Variants in WDR48 observed in about 807,000 individuals in gnomAD.
WDR48 encodes the protein WD repeat-containing protein 48.
WDR48 carries 22 observed loss-of-function variants against 94.0 expected under a neutral mutation model. That is an observed-to-expected ratio of 0.23 (90% CI 0.17 to 0.33). The LOEUF (loss-of-function observed/expected upper bound fraction) is 0.33. Ranked by LOEUF, WDR48 falls within the 10% of genes least tolerant of loss-of-function variation. The pLI, the probability that WDR48 is intolerant of heterozygous loss-of-function variation, is 1.00. For synonymous variants in WDR48, 278 were observed against 280.5 expected (o/e 0.99, Z 0.09); for missense variants, 541 against 813.8 (o/e 0.66, Z 4.08).
chr3:39,066,863 A>G lies in WDR48; in HGVS notation c.469A>G (p.Asn157Asp). The G allele has an allele frequency of 6.2e-7, 1 of 1,613,502 alleles. No homozygotes were observed. Among genetic ancestry groups the G allele is most frequent in the Non-Finnish European group, 8.5e-7 (1 of 1,179,790 alleles). ...TCTAACAGCATTGACTGCCTCAAATAACACTGTCACAAGTAAGGTGTTTAA... is the reference window on the plus strand; with the variant it reads ...TCTAACAGCATTGACTGCCTCAAATGACACTGTCACAAGTAAGGTGTTTAA... ...NTLTALTASN[N>D]TVTTSSLSGN... The change falls in exon 5 of 19, where the codon AAC (asparagine) becomes GAC (aspartate). Residue 157 changes from asparagine to aspartate, a missense_variant. Asn to Asp is a conservative substitution (Grantham distance 23). Around this residue, in one of 5 missense-constraint regions of WDR48, gnomAD observed 104 missense variants for 189.7 expected, o/e 0.55. Transcript: ENST00000302313.
At position 39,094,420 on chromosome 3, in the gene WDR48, G is replaced by A; in HGVS notation, c.1939-228G>A. 4 of 1,524,226 alleles carry A rather than the reference G, an allele frequency of 2.6e-6. No individual in the cohort carries two copies. The South Asian group carries it at 3.7e-5, about 14-fold the overall frequency. The allele number at this position is 1,524,226 out of a possible 1,614,324, so 94.4% of individuals were successfully genotyped here. ...ATGCACTCAAAACGTATCCTCAGAG[G>A]AATGGCTGAAAGATGGCCTGGTGTT... On this transcript the variant is annotated intron_variant, in intron 18 of 18. Coordinates refer to ENST00000302313, the MANE Select transcript of WDR48 (RefSeq NM_020839.4).
At chr3:39,084,817 T>C in intron 13 of WDR48, 76 bp downstream of exon 13, 1 of 1,282,178 alleles carries the variant, frequency 7.8e-7, no homozygotes, top group South Asian at 1.3e-5. Flanking sequence ...TGCTAAGTAC[T>C]TATCTTTGTA....
chr3:39,074,293 A>G (rs569065110), intron 7 of WDR48, among the ~76,000 whole-genome samples: 5 of 152,254 alleles, frequency 3.3e-5, no homozygotes, highest in African/African-American at 7.2e-5. Flanking sequence ...AGTATCTCTA[A>G]GCATAATGAA....
At chr3:39,085,676 A>G in intron 14 of WDR48, 66 bp downstream of exon 14, 1 of 1,349,898 alleles carries the variant, frequency 7.4e-7, no homozygotes, top group Non-Finnish European at 1.0e-6. Flanking sequence ...GTACTTACTA[A>G]AAGGTACTTA....
chr3:39,054,338 A>G (rs1247427635), intron 1 of WDR48, among the ~76,000 whole-genome samples: 3 of 152,292 alleles, frequency 2.0e-5, no homozygotes, highest in Non-Finnish European at 4.4e-5. Flanking sequence ...TGTCCTATGC[A>G]TCACAGGTTC....
At chr3:39,064,315 C>T (rs2033462882) in intron 2 of WDR48, among the ~76,000 whole-genome samples, 1 of 150,968 alleles carries the variant, frequency 6.6e-6, no homozygotes, top group East Asian at 1.9e-4. Context: ...GCTCTGTCAC[C>T]CAGGCTGGAG....
In WDR48 at chr3:39,094,954, A is replaced by C; in HGVS notation, c.*211A>C. On this transcript the variant is annotated 3_prime_UTR_variant, in exon 19 of 19. Transcript: ENST00000302313. ...GATTAAGCTGTCCCCAGGGAAGCAG[A>C]GTGCAAGAGCAGAAGAGCCCCAAGC... The C allele has an allele frequency of 1.6e-6, 1 of 642,398 alleles. No individual in the cohort carries two copies. The highest frequency in any genetic ancestry group is 3.2e-5 in the Admixed American group (1 of 31,588). The allele number at this position is 642,398 out of a possible 1,614,324, so 39.8% of individuals were successfully genotyped here.
rs1209803336 is a variant in WDR48, at chr3:39,096,072, A to C, written c.*1329A>C. On this transcript the variant is annotated 3_prime_UTR_variant, in exon 19 of 19. Coordinates refer to ENST00000302313, the MANE Select transcript of WDR48 (RefSeq NM_020839.4). ...GCAGGGAACGTTTTTTCTTTTCTACATCTTCACAGGTTCGGCTGGGGGCAG... is the reference window on the plus strand; with the variant it reads ...GCAGGGAACGTTTTTTCTTTTCTACCTCTTCACAGGTTCGGCTGGGGGCAG... 6.6e-6 allele frequency: 1 copy of C among 152,586 alleles called. No homozygotes were observed. The highest frequency in any genetic ancestry group is 1.5e-5 in the Non-Finnish European group (1 of 68,030). 9.5% of individuals were successfully genotyped at this position (152,586 alleles called of 1,614,324 possible).
At chr3:39,070,046 G>C (rs1186536309) in intron 7 of WDR48, among the ~76,000 whole-genome samples, 1 of 152,184 alleles carries the variant, frequency 6.6e-6, no homozygotes, top group Non-Finnish European at 1.5e-5. Context: ...AGGAAGCTTT[G>C]ATATCAAATG....
At chr3:39,091,373 T>A in intron 16 of WDR48, 1 of 262,086 alleles carries the variant, frequency 3.8e-6, no homozygotes, top group Non-Finnish European at 7.3e-6. Flanking sequence ...TTTGTTTCCC[T>A]TTAATACCTT....
intron 1 of WDR48, among the ~76,000 whole-genome samples, chr3:39,062,107 T>C (rs927085756): frequency 6.6e-6 from 1 of 152,242 alleles, no homozygotes; most frequent in Non-Finnish European, 1.5e-5. Flanking sequence ...TTTAGTTTAA[T>C]TAGATCTCAT....
rs374506512 is a variant in WDR48, at chr3:39,085,659, TTAAAAGGTACTTAC to T, written c.1474+65_1474+78del. ...TGCATAAAAAGTTAGAGGTACTTAC[TTAAAAGGTACTTAC>T]TAAAAGGTACTTACTTAAACCGTTA... is the stretch of plus-strand genomic sequence containing the variant. On this transcript the variant is annotated intron_variant, in intron 14 of 18. Transcript: ENST00000302313. The T allele has an allele frequency of 1.0e-4, 150 of 1,494,688 alleles. No individual in the cohort carries two copies. In the South Asian group the frequency reaches 1.1e-3, roughly 11 times the overall value. The allele number at this position is 1,494,688 out of a possible 1,614,324, so 92.6% of individuals were successfully genotyped here. A position where few individuals can be genotyped will look rare whatever the true frequency, so the allele number is the denominator to read the frequency against.
intron 1 of WDR48, among the ~76,000 whole-genome samples, chr3:39,054,871 A>G (rs1225667125): frequency 6.6e-6 from 1 of 152,244 alleles, no homozygotes; most frequent in Non-Finnish European, 1.5e-5. Flanking sequence ...CATTTCCACA[A>G]AGGAAATATG....
Position 39,052,070 on chromosome 3 carries a change from G to A in WDR48, c.45G>A (p.Val15=), listed in dbSNP as rs778990791. 7 of 1,613,826 alleles carry A rather than the reference G, an allele frequency of 4.3e-6. No homozygotes were observed. Among genetic ancestry groups the A allele is most frequent in the South Asian group, 2.2e-5 (2 of 91,076 alleles). Residue 15 remains valine, a synonymous_variant, in exon 1 of 19, where the codon GTG becomes GTA. Transcript: ENST00000302313. ...HRQNTAGRRK[V]QVSYVIRDEV... is the part of the protein sequence containing the mutation. ...AGAACACAGCAGGGCGGAGGAAAGTGCAGGTATGGAAGCCCGGTTCCTCGG... is the reference window on the plus strand; with the variant it reads ...AGAACACAGCAGGGCGGAGGAAAGTACAGGTATGGAAGCCCGGTTCCTCGG...
chr3:39,075,307 T>C (rs1160157414), intron 8 of WDR48, among the ~76,000 whole-genome samples: 1 of 151,370 alleles, frequency 6.6e-6, no homozygotes, highest in Non-Finnish European at 1.5e-5. Flanking sequence ...TGAAATTGTC[T>C]CATACTTGCT....
rs2034423602 is a variant in WDR48, at chr3:39,079,778, T to C, written c.1143T>C (p.Asn381=). Residue 381 remains asparagine, a synonymous_variant, in exon 11 of 19, where the codon AAT becomes AAC. Coordinates refer to ENST00000302313, the MANE Select transcript of WDR48 (RefSeq NM_020839.4). Reference sequence around the variant, plus strand: ...GACATATATTAACCAAAGATACCAATAATAATGTGGCATATTGGGATGTAT... The same window carrying C: ...GACATATATTAACCAAAGATACCAACAATAATGTGGCATATTGGGATGTAT... ...DKRHILTKDT[N]NNVAYWDVLK... is the part of the protein sequence containing the mutation. The C allele has an allele frequency of 6.4e-7, 1 of 1,556,876 alleles. No individual in the cohort carries two copies. The highest frequency in any genetic ancestry group is 8.6e-7 in the Non-Finnish European group (1 of 1,158,886).
chr3:39,083,303 A>C (rs767020566), intron 11 of WDR48, among the ~76,000 whole-genome samples: 8 of 152,076 alleles, frequency 5.3e-5, no homozygotes, highest in Non-Finnish European at 4.4e-5. Flanking sequence ...GGGCCAAAGG[A>C]AGCTTTTGAT....
At chr3:39,082,934 T>G (rs757553611) in intron 11 of WDR48, among the ~76,000 whole-genome samples, 44 of 152,194 alleles carry the variant, frequency 2.9e-4, no homozygotes, top group Non-Finnish European at 5.1e-4. Context: ...AAGTCATCAG[T>G]CTTTCAGGGA....
At chr3:39,063,324 C>A in intron 2 of WDR48, 134 bp downstream of exon 2, 1 of 1,134,550 alleles carries the variant, frequency 8.8e-7, no homozygotes, top group Non-Finnish European at 1.2e-6. Context: ...ATAAAGACAT[C>A]GCAACCAGAA....
Sources: allele counts gnomAD v4.1 joint callset (sites outside exome capture counted in the v4.1 genomes callset), GRCh38; gene constraint gnomAD v4.1.1; regional missense constraint gnomAD v4.1.1; transcripts MANE v1.5; gene names NCBI Gene and HGNC (gene_info 2026-07-23, HGNC 2026-07-21).